Variants in CD2AP observed in about 807,000 individuals in gnomAD.
CD2AP encodes CD2 associated protein, also known as CD2-associated protein.
CD2AP carries 46 observed loss-of-function variants against 85.1 expected under a neutral mutation model. The ratio of observed to expected loss-of-function variants is 0.54; its 90% CI spans 0.43 to 0.69. The LOEUF (loss-of-function observed/expected upper bound fraction) is 0.69. CD2AP is among the 30% of genes least tolerant of loss of function. The pLI is 0.00. For missense variants in CD2AP, 769 were observed against 729.5 expected, an observed-to-expected ratio of 1.05 and a Z score of -0.62; for synonymous variants, 255 against 252.9, an observed-to-expected ratio of 1.01 and a Z score of -0.08.
intron 2 of CD2AP, among the ~76,000 whole-genome samples, chr6:47,530,343 T>C (rs1206962230): frequency 6.6e-6 from 1 of 152,244 alleles, no homozygotes; most frequent in Non-Finnish European, 1.5e-5. Flanking sequence ...TATCAAGAAC[T>C]CTTGTGCCAC....
At chr6:47,509,785 A>G (rs1448114940) in intron 2 of CD2AP, among the ~76,000 whole-genome samples, 1 of 152,214 alleles carries the variant, frequency 6.6e-6, no homozygotes, top group Non-Finnish European at 1.5e-5. Flanking sequence ...TCTCCACTTT[A>G]AAGTGGTATT....
chr6:47,478,183 G>A lies in CD2AP; in HGVS notation c.-62G>A. ...TCCAGCCGCGGGAGCGGCCGCGCGA[G>A]CCACCACTGGAGGAGGAGGAGGAGG... On this transcript the variant is annotated 5_prime_UTR_variant, in exon 1 of 18. Transcript: ENST00000359314. The A allele has an allele frequency of 6.4e-7, 1 of 1,551,188 alleles. No homozygotes were observed.
chr6:47,532,376 TACACACACACACACAC>T (rs10522555), intron 2 of CD2AP, among the ~76,000 whole-genome samples: 12,926 of 141,828 alleles, frequency 0.091, 1,144 homozygotes, highest in African/African-American at 0.23. Context: ...TATATATGTA[TACACACACACACACAC>T]ACACACACAC....
At position 47,574,122 on chromosome 6, in the gene CD2AP, T is replaced by C; in HGVS notation, c.600T>C (p.Thr200=). Residue 200 remains threonine (T), a synonymous_variant, in exon 6 of 18, where the codon ACT becomes ACC. Coordinates refer to ENST00000359314, the MANE Select transcript of CD2AP (RefSeq NM_012120.3). ...PIPSLGNVSE[T]ASGSVTQPKK... is the part of the protein sequence containing the mutation. ...CTTCTCTGGGAAATGTGAGTGAAAC[T>C]GCATCTGGATCAGTTACACAGCCAA... 3 of 1,614,080 alleles carry C rather than the reference T, an allele frequency of 1.9e-6. No homozygotes were observed. Among genetic ancestry groups the C allele is most frequent in the Non-Finnish European group, 2.5e-6 (3 of 1,179,954 alleles).
rs1491551235 is a variant in CD2AP, at chr6:47,610,985, TTG to T, written c.1815-1487_1815-1486del. 4.7e-3 allele frequency among the ~76,000 whole-genome samples: 475 copies of T among 102,004 alleles called. 2 individuals carry two copies. Among genetic ancestry groups the T allele is most frequent in the African/African-American group, 0.014 (337 of 24,212 alleles). The allele number at this position is 102,004 out of a possible 152,430, so 66.9% of individuals were successfully genotyped here. A position where few individuals can be genotyped will look rare whatever the true frequency, so the allele number is the denominator to read the frequency against. ...TATATATATGTATTTTTTTTTTTTTTTGAATATAAAACATTTTGGAAGTCTTT... is the reference window on the plus strand; with the variant it reads ...TATATATATGTATTTTTTTTTTTTTTAATATAAAACATTTTGGAAGTCTTT... On this transcript the variant is annotated intron_variant, in intron 16 of 17. Coordinates refer to ENST00000359314, the MANE Select transcript of CD2AP (RefSeq NM_012120.3).
rs1320025370 is a variant in CD2AP at position 47,624,697 on chromosome 6, GTGTGTGTGTGTGTGTGTGTGTGTGTA to G, written c.*472_*497del. ...ATAAACTCTGTGTGTGTGTGTGTGT[GTGTGTGTGTGTGTGTGTGTGTGTGTA>G]TATATATATATATATTTTTACTTTT... On this transcript the variant is annotated 3_prime_UTR_variant, in exon 18 of 18. Transcript: ENST00000359314. 3.7e-4 allele frequency: 50 copies of G among 135,662 alleles called. No individual in the cohort carries two copies. Among genetic ancestry groups the G allele is most frequent in the African/African-American group, 1.3e-3 (49 of 36,716 alleles). The allele number at this position is 135,662 out of a possible 1,614,324, so 8.4% of individuals were successfully genotyped here.
intron 17 of CD2AP, among the ~76,000 whole-genome samples, chr6:47,623,029 C>T (rs141495068): frequency 1.5e-4 from 23 of 152,238 alleles, no homozygotes; most frequent in South Asian, 4.1e-4. Context: ...AATAACAGAT[C>T]GGGCTGACAA....
At chr6:47,599,264 A>G (rs749595621) in intron 12 of CD2AP, 37 bp from the exon 13 acceptor site, 2 of 1,585,218 alleles carry the variant, frequency 1.3e-6, no homozygotes, top group African/African-American at 1.3e-5. Context: ...GTCGTGTTTC[A>G]TACTAGTGAT....
Position 47,554,837 on chromosome 6 carries a change from T to A in CD2AP, c.541+71T>A, listed in dbSNP as rs534348943. 2.0e-5 allele frequency: 28 copies of A among 1,427,694 alleles called. No homozygotes were observed. The African/African-American group carries it at 2.6e-4, about 13-fold the overall frequency. The allele number at this position is 1,427,694 out of a possible 1,614,324, so 88.4% of individuals were successfully genotyped here. A position where few individuals can be genotyped will look rare whatever the true frequency, so the allele number is the denominator to read the frequency against. ...ATAGCATCTAGTGTTTTATTTTGTA[T>A]TTTTTGAAACTCTGTTCTTTCTTTT... On this transcript the variant is annotated intron_variant, in intron 5 of 17. Coordinates refer to ENST00000359314, the MANE Select transcript of CD2AP (RefSeq NM_012120.3).
chr6:47,573,819 C>A (rs1167992540), intron 5 of CD2AP, among the ~76,000 whole-genome samples: 2 of 152,058 alleles, frequency 1.3e-5, no homozygotes, highest in East Asian at 3.9e-4. Context: ...ACATGATTTC[C>A]TAATTAGGAT....
chr6:47,612,721 G>T (rs770163493), intron 17 of CD2AP, among the ~76,000 whole-genome samples, 185 bp downstream of exon 17: 20 of 152,062 alleles, frequency 1.3e-4, no homozygotes, highest in Non-Finnish European at 2.2e-4. Context: ...CAACATGGAT[G>T]GAACTGGAGG....
chr6:47,562,029 A>C (rs1767876702), intron 5 of CD2AP, among the ~76,000 whole-genome samples: 1 of 152,106 alleles, frequency 6.6e-6, no homozygotes, highest in East Asian at 1.9e-4. Context: ...CTCTTAAAGT[A>C]CTGGGATTAC....
In CD2AP at chr6:47,513,034, A is replaced by G. The variant is rs536760287; in HGVS notation, c.165+9594A>G. ...AGAGAAATGATGTCAGGACAATGAG[A>G]AAGTGTGTTAGTTTATTTTCTAGGT... On this transcript the variant is annotated intron_variant, in intron 2 of 17. Transcript: ENST00000359314. 1.6e-4 allele frequency among the ~76,000 whole-genome samples: 24 copies of G among 152,312 alleles called. No homozygotes were observed. The South Asian group carries it at 5.0e-3, about 32-fold the overall frequency.
intron 5 of CD2AP, among the ~76,000 whole-genome samples, chr6:47,559,634 G>T (rs975164337): frequency 4.6e-5 from 7 of 151,996 alleles, no homozygotes; most frequent in Non-Finnish European, 8.8e-5. Flanking sequence ...ATTGATAAAA[G>T]ATTTCTAGAA....
intron 1 of CD2AP, 99 bp downstream of exon 1, chr6:47,478,347 C>A: frequency 1.4e-6 from 2 of 1,388,338 alleles, no homozygotes; most frequent in Non-Finnish European, 2.0e-6. Context: ...TGCGGTCAGC[C>A]CCTGAGCGGC....
chr6:47,529,699 A>C (rs1337807263), intron 2 of CD2AP, among the ~76,000 whole-genome samples: 2 of 152,170 alleles, frequency 1.3e-5, no homozygotes, highest in African/African-American at 4.8e-5. Context: ...ACAGGAATTT[A>C]ACTCTTGTTT....
chr6:47,537,360 T>G (rs1232127549), intron 3 of CD2AP, among the ~76,000 whole-genome samples: 1 of 152,170 alleles, frequency 6.6e-6, no homozygotes, highest in Non-Finnish European at 1.5e-5. Context: ...GTATTCTGAC[T>G]GGTAAGGAGA....
chr6:47,595,793 A>G, intron 11 of CD2AP, 68 bp from the exon 12 acceptor site: 1 of 1,399,310 alleles, frequency 7.1e-7, no homozygotes, highest in Non-Finnish European at 1.0e-6. Context: ...CCTGATACAA[A>G]CTTTTGGAAA....
rs572759210 is a variant in CD2AP, at chr6:47,563,019, T to G, written c.541+8253T>G. ...CGAAGAGTCCTTCAAATGCAAGAAA[T>G]GAACAAATAAAACTTTGTATCACAT... is the stretch of plus-strand genomic sequence containing the variant. On this transcript the variant is annotated intron_variant, in intron 5 of 17. Coordinates refer to ENST00000359314, the MANE Select transcript of CD2AP (RefSeq NM_012120.3). 138 of 362,702 alleles carry G rather than the reference T, an allele frequency of 3.8e-4. 3 individuals carry two copies. In the South Asian group the frequency reaches 0.011, roughly 29 times the overall value. The allele number at this position is 362,702 out of a possible 1,614,324, so 22.5% of individuals were successfully genotyped here.
Sources: gnomAD v4.1 joint callset for allele counts (sites outside exome capture counted in the v4.1 genomes callset) on GRCh38, gnomAD v4.1.1 for gene constraint, MANE v1.5 for transcripts, NCBI Gene and HGNC (gene_info 2026-07-23, HGNC 2026-07-21) for gene names.